GPC6: variants seen among roughly 807,000 people sequenced by gnomAD.
GPC6 encodes the protein glypican 6, also known as glypican-6.
GPC6 carries 14 observed loss-of-function variants against 55.2 expected under a neutral mutation model. The observed-to-expected ratio is 0.25, with a 90% CI of 0.17 to 0.40. The LOEUF (loss-of-function observed/expected upper bound fraction) is 0.40. GPC6 is among the 10% of genes least tolerant of loss of function. The pLI, the probability that GPC6 is intolerant of heterozygous loss-of-function variation, is 1.00. For missense variants in GPC6, 641 were observed against 708.5 expected (o/e 0.90, Z 1.08); for synonymous variants, 278 against 259.6 (o/e 1.07, Z -0.68).
intron 1 of GPC6, among the ~76,000 whole-genome samples, chr13:93,503,771 A>T (rs2139374689): frequency 6.6e-6 from 1 of 152,288 alleles, no homozygotes; most frequent in South Asian, 2.1e-4. Context: ...AGAAAGAGAA[A>T]AGTGAATGCT....
At chr13:93,783,662 C>A (rs1885730214) in intron 2 of GPC6, among the ~76,000 whole-genome samples, 1 of 152,256 alleles carries the variant, frequency 6.6e-6, no homozygotes, top group East Asian at 1.9e-4. Flanking sequence ...CACCACCCAT[C>A]ACTGTTATTC....
chr13:93,760,006 G>GA (rs1213132085), intron 2 of GPC6, among the ~76,000 whole-genome samples: 1 of 97,872 alleles, frequency 1.0e-5, no homozygotes, highest in Non-Finnish European at 2.0e-5. Flanking sequence ...AAGAGAAAAG[G>GA]AAAAAAATGC....
At chr13:94,279,044 C>T (rs1344852811) in intron 4 of GPC6, among the ~76,000 whole-genome samples, 6 of 152,054 alleles carry the variant, frequency 3.9e-5, no homozygotes, top group African/African-American at 7.2e-5. Flanking sequence ...TGGTAGAATT[C>T]GGCTGTGAAT....
intron 1 of GPC6, among the ~76,000 whole-genome samples, chr13:93,537,348 G>C (rs192695183): frequency 6.6e-6 from 1 of 152,208 alleles, no homozygotes; most frequent in Non-Finnish European, 1.5e-5. Context: ...TTTGAAAATG[G>C]TGAAAACTAT....
intron 1 of GPC6, among the ~76,000 whole-genome samples, chr13:93,299,541 T>C (rs1356808952): frequency 6.6e-6 from 1 of 152,204 alleles, no homozygotes; most frequent in African/African-American, 2.4e-5. Flanking sequence ...GTGGTCAAGG[T>C]TAGAATTCAA....
In GPC6 at chr13:93,227,743, A is replaced by G; in HGVS notation, c.160+127A>G. On this transcript the variant is annotated intron_variant, in intron 1 of 8. Coordinates refer to ENST00000377047, the MANE Select transcript of GPC6 (RefSeq NM_005708.5). The surrounding 1 kb of genome is among the most constrained non-coding windows in gnomAD (Gnocchi z 4.3). ...GCTCACTTTCTGCCACCGCTATGGG[A>G]CTCCGCGTCTCCGTGTTGGGCGGCG... is the stretch of plus-strand genomic sequence containing the variant. 2.8e-6 allele frequency: 2 copies of G among 702,148 alleles called. No individual in the cohort carries two copies. The highest frequency in any genetic ancestry group is 4.1e-4 in the Middle Eastern group (1 of 2,434). The allele number at this position is 702,148 out of a possible 1,614,324, so 43.5% of individuals were successfully genotyped here. A position where few individuals can be genotyped will look rare whatever the true frequency, so the allele number is the denominator to read the frequency against.
intron 2 of GPC6, among the ~76,000 whole-genome samples, chr13:93,547,144 C>T (rs146221773): frequency 0.045 from 6,620 of 146,112 alleles, 505 homozygotes; most frequent in African/African-American, 0.16. Flanking sequence ...TCCTGGCCAA[C>T]GTGGTGAAAC....
At chr13:93,801,056 G>C (rs1886352856) in intron 2 of GPC6, among the ~76,000 whole-genome samples, 1 of 152,302 alleles carries the variant, frequency 6.6e-6, no homozygotes, top group Non-Finnish European at 1.5e-5. Flanking sequence ...CCAACAGATC[G>C]ATAGAGACTG....
intron 3 of GPC6, among the ~76,000 whole-genome samples, chr13:93,859,462 G>C (rs1443144853): frequency 6.6e-6 from 1 of 151,444 alleles, no homozygotes; most frequent in Non-Finnish European, 1.5e-5. Context: ...ACCTTCAATT[G>C]GCTTAAAGTA....
chr13:93,339,912 G>A (rs750180928), intron 1 of GPC6, among the ~76,000 whole-genome samples: 13 of 151,768 alleles, frequency 8.6e-5, no homozygotes, highest in Non-Finnish European at 1.8e-4. Context: ...AATACCTGTG[G>A]GAAAACTAGA....
At chr13:94,112,651 A>G (rs1340333806) in intron 4 of GPC6, among the ~76,000 whole-genome samples, 4 of 152,114 alleles carry the variant, frequency 2.6e-5, no homozygotes, top group African/African-American at 7.2e-5. Context: ...GCATATTTTT[A>G]AGGTGTTATT....
At chr13:93,676,627 C>T (rs1263528659) in intron 2 of GPC6, among the ~76,000 whole-genome samples, 5 of 151,970 alleles carry the variant, frequency 3.3e-5, no homozygotes, top group Non-Finnish European at 7.4e-5. Context: ...CATAAACTGA[C>T]ACTCAATGTT....
chr13:93,966,925 G>A (rs1385265303), intron 3 of GPC6, among the ~76,000 whole-genome samples: 1 of 152,044 alleles, frequency 6.6e-6, no homozygotes, highest in African/African-American at 2.4e-5. Context: ...AAAGTGCTGA[G>A]ACTACGGGCA....
At chr13:94,297,265 T>C (rs1329103268) in intron 5 of GPC6, among the ~76,000 whole-genome samples, 1 of 152,160 alleles carries the variant, frequency 6.6e-6, no homozygotes, top group Non-Finnish European at 1.5e-5. Context: ...CCAGCACTTA[T>C]GTTTGTGACA....
intron 2 of GPC6, among the ~76,000 whole-genome samples, chr13:93,670,209 G>T (rs1881304287): frequency 1.3e-5 from 2 of 152,118 alleles, no homozygotes; most frequent in African/African-American, 4.8e-5. Context: ...GTGACACCCA[G>T]TAGAGCCACT....
At chr13:93,992,873 T>C (rs1881372507) in intron 3 of GPC6, among the ~76,000 whole-genome samples, 2 of 152,198 alleles carry the variant, frequency 1.3e-5, no homozygotes, top group South Asian at 4.1e-4. Context: ...CTAGGCTTCA[T>C]TTTCTGTGCA....
At chr13:94,080,053 C>T (rs1364479625) in intron 4 of GPC6, among the ~76,000 whole-genome samples, 1 of 152,122 alleles carries the variant, frequency 6.6e-6, no homozygotes, top group Non-Finnish European at 1.5e-5. Context: ...CTTTCTGGGA[C>T]AACATAATGC....
chr13:93,298,775 CCTGCGTA>C (rs1878579725), intron 1 of GPC6, among the ~76,000 whole-genome samples: 1 of 152,002 alleles, frequency 6.6e-6, no homozygotes, highest in African/African-American at 2.4e-5. Flanking sequence ...CAAACCATCC[CCTGCGTA>C]CTGCCTGACG....
intron 3 of GPC6, among the ~76,000 whole-genome samples, chr13:93,862,458 C>T (rs1888845227): frequency 6.6e-6 from 1 of 151,552 alleles, no homozygotes; most frequent in Non-Finnish European, 1.5e-5. Flanking sequence ...GCATCTGATT[C>T]AGCCAGCAAG....
Sources: allele counts gnomAD v4.1 joint callset (sites outside exome capture counted in the v4.1 genomes callset), GRCh38; gene constraint gnomAD v4.1.1; non-coding constraint Gnocchi (gnomAD v3.1); transcripts MANE v1.5; gene names NCBI Gene and HGNC (gene_info 2026-07-23, HGNC 2026-07-21).